KCNQ5: variants seen among roughly 807,000 people sequenced by gnomAD.
The protein encoded by KCNQ5 is potassium voltage-gated channel subfamily Q member 5.
A neutral mutation model predicts 98.2 loss-of-function variants in KCNQ5; 30 were observed. That is an observed-to-expected ratio of 0.31 (90% confidence interval 0.23 to 0.41). KCNQ5 has a LOEUF of 0.41. Ranked by LOEUF, KCNQ5 falls within the 10% of genes least tolerant of loss-of-function variation. KCNQ5 has a pLI of 1.00. For missense variants in KCNQ5, 835 were observed against 1,182.5 expected (o/e 0.71, Z 4.31); for synonymous variants, 458 against 449.4 (o/e 1.02, Z -0.24).
intron 1 of KCNQ5, among the ~76,000 whole-genome samples, chr6:72,824,541 T>C (rs1443566130): frequency 6.6e-6 from 1 of 152,136 alleles, no homozygotes; most frequent in Non-Finnish European, 1.5e-5. Flanking sequence ...AACCTGCCTT[T>C]CAATTTGCAC....
intron 1 of KCNQ5, among the ~76,000 whole-genome samples, chr6:72,743,786 T>C (rs887303015): frequency 1.3e-5 from 2 of 152,250 alleles, no homozygotes; most frequent in Non-Finnish European, 2.9e-5. Flanking sequence ...GCCTGTTTTT[T>C]GGAGTAGTAT....
At chr6:72,828,206 A>G (rs189482037) in intron 1 of KCNQ5, among the ~76,000 whole-genome samples, 293 of 152,114 alleles carry the variant, frequency 1.9e-3, no homozygotes, top group African/African-American at 6.7e-3. Context: ...TGCTTTGGCT[A>G]CTCAGAGTCC....
chr6:72,941,337 CTTCCT>C (rs1766231196), intron 1 of KCNQ5, among the ~76,000 whole-genome samples: 2 of 42,700 alleles, frequency 4.7e-5, no homozygotes, highest in African/African-American at 7.2e-5. Context: ...TCCTTCCTTC[CTTCCT>C]TTCTTCCTTC....
intron 11 of KCNQ5, among the ~76,000 whole-genome samples, chr6:73,185,469 A>G (rs1283079366): frequency 6.6e-6 from 1 of 152,240 alleles, no homozygotes; most frequent in Non-Finnish European, 1.5e-5. Flanking sequence ...TGTGTAAGCC[A>G]CCACACCTGG....
intron 1 of KCNQ5, among the ~76,000 whole-genome samples, chr6:72,867,141 T>G (rs1157541835): frequency 2.0e-5 from 3 of 152,180 alleles, no homozygotes; most frequent in Admixed American, 2.0e-4. Flanking sequence ...GAATCAGCAT[T>G]TGCTCTATGG....
At chr6:72,982,487 C>CTTT (rs141947372) in intron 1 of KCNQ5, among the ~76,000 whole-genome samples, 1,195 of 60,264 alleles carry the variant, frequency 0.02, 70 homozygotes, top group African/African-American at 0.081. Flanking sequence ...GCAACCCCTG[C>CTTT]TTTTTTTTTT....
At chr6:73,051,122 C>T (rs1772214476) in intron 3 of KCNQ5, among the ~76,000 whole-genome samples, 1 of 152,186 alleles carries the variant, frequency 6.6e-6, no homozygotes, top group Non-Finnish European at 1.5e-5. Context: ...CAGAAACTGC[C>T]AAACTATTTC....
chr6:73,159,442 C>T (rs1777523899), intron 10 of KCNQ5, among the ~76,000 whole-genome samples: 1 of 151,808 alleles, frequency 6.6e-6, no homozygotes, highest in Non-Finnish European at 1.5e-5. Flanking sequence ...CTGAGTTTAC[C>T]GATATAATAA....
At chr6:73,071,878 A>T (rs9351967) in intron 3 of KCNQ5, among the ~76,000 whole-genome samples, 14,917 of 152,188 alleles carry the variant, frequency 0.098, 1,031 homozygotes, top group East Asian at 0.26. Flanking sequence ...TAATTGGTTA[A>T]TTAAATAAAT....
intron 1 of KCNQ5, among the ~76,000 whole-genome samples, chr6:72,843,942 T>G (rs1166476019): frequency 6.6e-6 from 1 of 152,030 alleles, no homozygotes; most frequent in African/African-American, 2.4e-5. Flanking sequence ...CACTCGTATG[T>G]GGGAGTTGAA....
At chr6:72,961,003 G>A (rs1019535860) in intron 1 of KCNQ5, among the ~76,000 whole-genome samples, 6 of 152,176 alleles carry the variant, frequency 3.9e-5, no homozygotes, top group African/African-American at 2.4e-5. Flanking sequence ...CAGGGATGGC[G>A]GGCTTGTGCC....
chr6:72,888,898 A>G (rs1171042525), intron 1 of KCNQ5, among the ~76,000 whole-genome samples: 1 of 152,184 alleles, frequency 6.6e-6, no homozygotes, highest in Non-Finnish European at 1.5e-5. Flanking sequence ...TGCGCAGAAG[A>G]AAAAATTCCC....
chr6:73,016,717 T>G (rs1348302093), intron 2 of KCNQ5, among the ~76,000 whole-genome samples: 1 of 152,060 alleles, frequency 6.6e-6, no homozygotes, highest in Non-Finnish European at 1.5e-5. Context: ...ACTAGAACAA[T>G]ATAGAGAACT....
At chr6:73,166,957 G>A (rs528370475) in intron 10 of KCNQ5, among the ~76,000 whole-genome samples, 1 of 152,162 alleles carries the variant, frequency 6.6e-6, no homozygotes. Context: ...AATTACATCT[G>A]CAAGACCTTT....
At position 72,800,541 on chromosome 6, in the gene KCNQ5, G is replaced by A. The variant is rs537643538; in HGVS notation, c.398+177954G>A. Among the ~76,000 whole-genome samples, 398 of 151,986 alleles carry A rather than the reference G, an allele frequency of 2.6e-3. 1 individual carries two copies. Among genetic ancestry groups the A allele is most frequent in the Non-Finnish European group, 4.3e-3 (290 of 67,940 alleles). ...TTTCTTCTTTATTAGTCTTGCTAGC[G>A]GTCTATCAATTTTGTTGATCCTTTC... On this transcript the variant is annotated intron_variant, in intron 1 of 13. Coordinates refer to ENST00000370398, the MANE Select transcript of KCNQ5 (RefSeq NM_019842.4).
At chr6:73,073,305 G>A (rs1469355551) in intron 3 of KCNQ5, among the ~76,000 whole-genome samples, 2 of 152,110 alleles carry the variant, frequency 1.3e-5, no homozygotes. Flanking sequence ...CTACTACATA[G>A]GTTGGCTTGA....
intron 1 of KCNQ5, among the ~76,000 whole-genome samples, chr6:72,706,021 G>A (rs1466244145): frequency 2.0e-5 from 3 of 151,946 alleles, no homozygotes; most frequent in Admixed American, 6.6e-5. Flanking sequence ...AATAAATATT[G>A]GACAAATCTT....
rs754929718 is a variant in KCNQ5 at position 73,194,779 on chromosome 6, G to A, written c.2164G>A (p.Asp722Asn). 11 of 1,614,060 alleles carry A rather than the reference G, an allele frequency of 6.8e-6. No homozygotes were observed. The highest frequency in any genetic ancestry group is 2.2e-5 in the South Asian group (2 of 91,090). The change falls in exon 14 of 14, where the codon GAT (aspartate) becomes AAT (asparagine). Residue 722 changes from aspartate (D) to asparagine (N), a missense_variant. Asp to Asn is a conservative substitution (Grantham distance 23). Coordinates refer to ENST00000370398, the MANE Select transcript of KCNQ5 (RefSeq NM_019842.4). The part of the protein sequence containing the change: ...QATQVPISQS[D>N]GSAVAATNTI... ...AACACAGGTGCCAATTAGTCAAAGC[G>A]ATGGCTCAGCAGTGGCAGCCACCAA...
chr6:72,672,286 C>T (rs949090898), intron 1 of KCNQ5, among the ~76,000 whole-genome samples: 6 of 152,006 alleles, frequency 3.9e-5, no homozygotes, highest in Non-Finnish European at 7.4e-5. Flanking sequence ...TTTGTAGAGA[C>T]GGAGTTTCGC....
Sources: gnomAD v4.1 joint callset for allele counts (sites outside exome capture counted in the v4.1 genomes callset) on GRCh38, gnomAD v4.1.1 for gene constraint, MANE v1.5 for transcripts, NCBI Gene and HGNC (gene_info 2026-07-23, HGNC 2026-07-21) for gene names.